ACMSD: variants seen among roughly 807,000 people sequenced by gnomAD.
ACMSD encodes the protein aminocarboxymuconate semialdehyde decarboxylase.
A neutral mutation model predicts 45.9 loss-of-function variants in ACMSD; 37 were observed. The observed-to-expected ratio is 0.81, with a 90% CI of 0.62 to 1.06. The LOEUF (loss-of-function observed/expected upper bound fraction) is 1.06, where lower values mean the gene tolerates loss of function less well. ACMSD is among the 50% of genes least tolerant of loss of function. The probability of loss-of-function intolerance (pLI) is 0.00; values close to 1 mark genes in which losing one functional copy is unlikely to be tolerated. For missense variants in ACMSD, 434 were observed against 420.9 expected (o/e 1.03, Z -0.27); for synonymous variants, 138 against 148.8 (o/e 0.93, Z 0.53).
At chr2:134,871,748 T>G (rs764834072) in intron 7 of ACMSD, among the ~76,000 whole-genome samples, 1 of 150,868 alleles carries the variant, frequency 6.6e-6, no homozygotes, top group Non-Finnish European at 1.5e-5. Context: ...AACATGCCTT[T>G]CCTCCTCAAC....
rs1172597274 is a variant in ACMSD at position 134,873,639 on chromosome 2, GCTGA to G, written c.849+1002_849+1005del. The G allele has an allele frequency of 4.6e-5, 7 of 152,298 alleles. No individual in the cohort carries two copies. The East Asian group carries it at 1.3e-3, about 29-fold the overall frequency. 9.4% of individuals were successfully genotyped at this position (152,298 alleles called of 1,614,324 possible). ...AATGGACACTTTATCTCATATTAAT[GCTGA>G]CTGTTTCTCTGGCTTGAGAAAATAA... On this transcript the variant is annotated intron_variant, in intron 8 of 9. Transcript: ENST00000356140.
At chr2:134,885,996 T>C (rs983850965) in intron 8 of ACMSD, among the ~76,000 whole-genome samples, 7 of 152,168 alleles carry the variant, frequency 4.6e-5, no homozygotes, top group African/African-American at 1.7e-4. Context: ...CTTTACCTTC[T>C]AGGCAATGGA....
intron 5 of ACMSD, 48 bp downstream of exon 5, chr2:134,863,679 CCGGG>C: frequency 1.3e-6 from 2 of 1,590,684 alleles, no homozygotes; most frequent in Non-Finnish European, 1.7e-6. Flanking sequence ...AGTGCCTGGG[CCGGG>C]GGCACCGCTG....
At chr2:134,885,291 T>TTTTATA (rs1689287758) in intron 8 of ACMSD, among the ~76,000 whole-genome samples, 1 of 38,472 alleles carries the variant, frequency 2.6e-5, no homozygotes, top group Non-Finnish European at 3.9e-5. Context: ...TATATTATAT[T>TTTTATA]TATATATATA....
At chr2:134,900,859 G>A (rs550007090) in intron 9 of ACMSD, among the ~76,000 whole-genome samples, 1 of 152,258 alleles carries the variant, frequency 6.6e-6, no homozygotes, top group South Asian at 2.1e-4. Flanking sequence ...CAAATCCCTT[G>A]ACTCCAGGAT....
chr2:134,877,532 T>C (rs1034705132), intron 8 of ACMSD: 5 of 152,370 alleles, frequency 3.3e-5, no homozygotes, highest in African/African-American at 1.2e-4. Flanking sequence ...ATGAGTGGCA[T>C]GTCAGTGCTT....
At chr2:134,876,415 T>C (rs944492209) in intron 8 of ACMSD, among the ~76,000 whole-genome samples, 1 of 152,164 alleles carries the variant, frequency 6.6e-6, no homozygotes, top group African/African-American at 2.4e-5. Flanking sequence ...ATCTCTCTTA[T>C]ATTAAAGAGA....
intron 8 of ACMSD, among the ~76,000 whole-genome samples, chr2:134,892,241 A>AG (rs1689831313): frequency 6.6e-6 from 1 of 151,220 alleles, no homozygotes; most frequent in Non-Finnish European, 1.5e-5. Context: ...TTTTTAAAAA[A>AG]TCGGGTATAA....
Position 134,872,570 on chromosome 2 carries a change from G to A in ACMSD, c.778G>A (p.Gly260Ser). ...CCCCATGAACCCGAAGAAATACCTT[G>A]GTTCCTTTTACACAGATGCTTTGGT... ...DNPMNPKKYL[G>S]SFYTDALVHD... is the part of the protein sequence containing the mutation. Residue 260 changes from glycine (G) to serine (S), a missense_variant, in exon 8 of 10, where the codon GGT becomes AGT. Coordinates refer to ENST00000356140, the MANE Select transcript of ACMSD (RefSeq NM_138326.3). 1 of 1,614,062 alleles carries A rather than the reference G, an allele frequency of 6.2e-7. No individual in the cohort carries two copies. The highest frequency in any genetic ancestry group is 8.5e-7 in the Non-Finnish European group (1 of 1,180,020).
chr2:134,861,989 T>C lies in ACMSD; in HGVS notation c.220T>C (p.Ser74Pro). ...TCTAGGAGTAACAGTGCAAGCCCTT[T>C]CCACAGTTCCTGTCATGTTTAGCTA... is the stretch of plus-strand genomic sequence containing the variant. ...DQKGVTVQAL[S>P]TVPVMFSYWA... Residue 74 changes from serine to proline, a missense_variant, in exon 4 of 10, where the codon TCC becomes CCC. Transcript: ENST00000356140. The C allele has an allele frequency of 1.2e-6, 2 of 1,614,174 alleles. No homozygotes were observed. Among genetic ancestry groups the C allele is most frequent in the South Asian group, 2.2e-5 (2 of 91,074 alleles).
intron 3 of ACMSD, 135 bp from the exon 4 acceptor site, chr2:134,861,834 G>T: frequency 1.1e-6 from 1 of 879,838 alleles, no homozygotes; most frequent in South Asian, 1.4e-5. Context: ...TCCAGGGAGA[G>T]GACTGAGAGG....
At chr2:134,846,886 GT>G (rs1373837455) in intron 2 of ACMSD, among the ~76,000 whole-genome samples, 1 of 152,236 alleles carries the variant, frequency 6.6e-6, no homozygotes, top group Non-Finnish European at 1.5e-5. Context: ...AAGCAGCGAT[GT>G]GATAGAGAGC....
intron 8 of ACMSD, among the ~76,000 whole-genome samples, chr2:134,897,822 T>C (rs1049703872): frequency 2.6e-5 from 4 of 151,870 alleles, no homozygotes; most frequent in African/African-American, 9.7e-5. Context: ...TTTATAGGAA[T>C]TGTTTATAGG....
chr2:134,853,400 G>A (rs1687438799), intron 2 of ACMSD, among the ~76,000 whole-genome samples: 1 of 151,772 alleles, frequency 6.6e-6, no homozygotes, highest in African/African-American at 2.4e-5. Flanking sequence ...GATAGTAATA[G>A]TTGCATGGAG....
At chr2:134,871,753 C>T (rs1688456311) in intron 7 of ACMSD, among the ~76,000 whole-genome samples, 1 of 151,514 alleles carries the variant, frequency 6.6e-6, no homozygotes, top group Admixed American at 6.6e-5. Flanking sequence ...GCCTTTCCTC[C>T]TCAACAGCAT....
chr2:134,881,833 CA>C (rs543661314), intron 8 of ACMSD, among the ~76,000 whole-genome samples: 243 of 151,092 alleles, frequency 1.6e-3, no homozygotes, highest in Non-Finnish European at 2.7e-3. Flanking sequence ...ACTAAAAATA[CA>C]AAAAAAAATT....
At chr2:134,885,306 A>ATGT in intron 8 of ACMSD, among the ~76,000 whole-genome samples, 1 of 75,378 alleles carries the variant, frequency 1.3e-5, no homozygotes, top group South Asian at 3.6e-4. Context: ...TATATATTTA[A>ATGT]ATATATATAT....
chr2:134,869,856 T>C (rs1573663452), intron 6 of ACMSD, among the ~76,000 whole-genome samples: 2 of 152,202 alleles, frequency 1.3e-5, no homozygotes, highest in African/African-American at 2.4e-5. Flanking sequence ...GACTGCTATA[T>C]GGAGAATGGA....
At chr2:134,885,349 AATATATATTTACATATATATTATATAT>A (rs1689324008) in intron 8 of ACMSD, among the ~76,000 whole-genome samples, 2 of 104,962 alleles carry the variant, frequency 1.9e-5, no homozygotes, top group African/African-American at 4.3e-5. Flanking sequence ...ATTTATATAT[AATATATATTTACATATATATTATATAT>A]AATATATATG....
Sources: allele counts gnomAD v4.1 joint callset (sites outside exome capture counted in the v4.1 genomes callset), GRCh38; gene constraint gnomAD v4.1.1; transcripts MANE v1.5; gene names NCBI Gene and HGNC (gene_info 2026-07-23, HGNC 2026-07-21).